Variants in NFE2L3 observed in about 807,000 individuals in gnomAD.
NFE2L3 encodes nuclear factor erythroid 2-related factor 3.
Under a neutral mutation model 23.5 loss-of-function variants are expected in NFE2L3, and 18 were observed. The ratio of observed to expected loss-of-function variants is 0.77; its 90% CI spans 0.53 to 1.13. The LOEUF is 1.13. Among genes scored for constraint, NFE2L3 ranks in the 50% most tolerant of loss-of-function variants. The pLI is 0.00. For missense variants in NFE2L3, 1,152 were observed against 877.2 expected, an observed-to-expected ratio of 1.31 and a Z score of -3.96; for synonymous variants, 424 against 354.5, an observed-to-expected ratio of 1.20 and a Z score of -2.20.
chr7:26,172,131 T>C (rs191568959), intron 1 of NFE2L3, among the ~76,000 whole-genome samples: 22 of 152,366 alleles, frequency 1.4e-4, no homozygotes, highest in African/African-American at 5.3e-4. Flanking sequence ...GAGTTGAAAA[T>C]ATTAAAGTTT....
chr7:26,168,765 A>C (rs1359375684), intron 1 of NFE2L3, among the ~76,000 whole-genome samples: 3 of 152,096 alleles, frequency 2.0e-5, no homozygotes, highest in African/African-American at 7.2e-5. Flanking sequence ...ATCAAATGGT[A>C]GTTCTACTCT....
intron 1 of NFE2L3, among the ~76,000 whole-genome samples, chr7:26,168,466 A>C (rs933786894): frequency 4.3e-5 from 2 of 46,356 alleles, no homozygotes; most frequent in African/African-American, 1.2e-4. Context: ...AATGCCATTA[A>C]TTCGTTCTTT....
Position 26,152,942 on chromosome 7 carries a change from G to T in NFE2L3, c.444G>T (p.Gln148His), listed in dbSNP as rs1784021015. 2.8e-6 allele frequency: 4 copies of T among 1,450,488 alleles called. No individual in the cohort carries two copies. The highest frequency in any genetic ancestry group is 2.7e-6 in the Non-Finnish European group (3 of 1,114,076). The allele number at this position is 1,450,488 out of a possible 1,614,324, so 89.9% of individuals were successfully genotyped here. A position where few individuals can be genotyped will look rare whatever the true frequency, so the allele number is the denominator to read the frequency against. ...GCGCCAGCGTGGACGGCGGCAGCCA[G>T]GCTGTGCAGGGGGGCGGCGGGGACC... is the stretch of plus-strand genomic sequence containing the variant. ...GAGASVDGGS[Q>H]AVQGGGGDPR... The change falls in exon 1 of 4, where the codon CAG becomes CAT. Residue 148 changes from glutamine (Q) to histidine (H), a missense_variant. Physicochemically the swap from Gln to His is conservative, Grantham distance 24. Transcript: ENST00000056233. This position sits in a 1 kb window ranked among gnomAD's most constrained non-coding sequence, Gnocchi z 4.4.
chr7:26,152,438 G>A lies in NFE2L3; in HGVS notation c.-61G>A. On this transcript the variant is annotated 5_prime_UTR_variant, in exon 1 of 4. Transcript: ENST00000056233. The surrounding 1 kb of genome is among the most constrained non-coding windows in gnomAD (Gnocchi z 4.4). Reference sequence around the variant, plus strand: ...GCGCGGGGTCCGCACGTGTCACCCCGGCGGCTGGGGCGCCGGGACCCGCGG... The same window carrying A: ...GCGCGGGGTCCGCACGTGTCACCCCAGCGGCTGGGGCGCCGGGACCCGCGG... The A allele has an allele frequency of 6.9e-6, 8 of 1,160,762 alleles. No homozygotes were observed. The highest frequency in any genetic ancestry group is 8.6e-6 in the Non-Finnish European group (8 of 931,434). 71.9% of individuals were successfully genotyped at this position (1,160,762 alleles called of 1,614,324 possible). A position where few individuals can be genotyped will look rare whatever the true frequency, so the allele number is the denominator to read the frequency against.
intron 1 of NFE2L3, among the ~76,000 whole-genome samples, chr7:26,154,033 G>A (rs912765360): frequency 6.6e-6 from 1 of 152,158 alleles, no homozygotes; most frequent in Non-Finnish European, 1.5e-5. Context: ...ATGGGAATTG[G>A]GGCTAAACTG....
chr7:26,157,402 C>T (rs1357435480), intron 1 of NFE2L3, among the ~76,000 whole-genome samples: 1 of 151,754 alleles, frequency 6.6e-6, no homozygotes, highest in Non-Finnish European at 1.5e-5. Context: ...TGGTCTCAAA[C>T]TCCTGGGCTC....
At chr7:26,153,177 T>A (rs1306393460) in intron 1 of NFE2L3, 109 bp downstream of exon 1, 9 of 1,138,094 alleles carry the variant, frequency 7.9e-6, no homozygotes, top group Non-Finnish European at 7.0e-6. Context: ...CCTGGCACCC[T>A]TAGCCCCTGG....
At chr7:26,184,113 A>G (rs1488694667) in intron 3 of NFE2L3, 1 of 372,008 alleles carries the variant, frequency 2.7e-6, no homozygotes, top group East Asian at 5.5e-5. Flanking sequence ...CAATATTCAC[A>G]ATAGCCTTGT....
At chr7:26,160,194 G>A (rs775274489) in intron 1 of NFE2L3, among the ~76,000 whole-genome samples, 15 of 152,156 alleles carry the variant, frequency 9.9e-5, no homozygotes, top group Non-Finnish European at 1.8e-4. Flanking sequence ...CTGGGCTCAA[G>A]CTATCCTCCT....
intron 3 of NFE2L3, chr7:26,184,235 ATC>A: frequency 2.7e-6 from 1 of 371,960 alleles, no homozygotes; most frequent in East Asian, 5.4e-5. Context: ...GATGAGTTGC[ATC>A]TTATTATAAA....
rs1232165133 is a variant in NFE2L3 at position 26,186,012 on chromosome 7, C to T, written c.*229C>T. 2 of 397,464 alleles carry T rather than the reference C, an allele frequency of 5.0e-6. No individual in the cohort carries two copies. Among genetic ancestry groups the T allele is most frequent in the Non-Finnish European group, 9.0e-6 (2 of 223,200 alleles). 24.6% of individuals were successfully genotyped at this position (397,464 alleles called of 1,614,324 possible). A position where few individuals can be genotyped will look rare whatever the true frequency, so the allele number is the denominator to read the frequency against. ...AACTTTTCATGAAGTGCATTGTATA[C>T]AAAATTCATAGTTATGTCCAAAGAA... On this transcript the variant is annotated 3_prime_UTR_variant, in exon 4 of 4. Transcript: ENST00000056233.
In NFE2L3 at chr7:26,185,582, CAA is replaced by C. The variant is rs1562681476; in HGVS notation, c.1886_1887del (p.Lys629SerfsTer3). On this transcript the variant is annotated frameshift_variant, in exon 4 of 4. Coordinates refer to ENST00000056233, the MANE Select transcript of NFE2L3 (RefSeq NM_004289.7). LOFTEE classifies it high-confidence loss of function. ...TTAAGAGAGAGCAAGCACAATGTAA[CAA>C]AGCTATTAACATAATGAAACAGAAA... ...TLKREQAQCNKAINIMKQKLH... is the reference protein window; with the variant it reads ...TLKREQAQCNXAINIMKQKLH... 1 of 1,613,748 alleles carries C rather than the reference CAA, an allele frequency of 6.2e-7. No homozygotes were observed. Among genetic ancestry groups the C allele is most frequent in the East Asian group, 2.2e-5 (1 of 44,886 alleles).
chr7:26,177,444 A>T (rs1168619046), intron 1 of NFE2L3, among the ~76,000 whole-genome samples: 1 of 152,188 alleles, frequency 6.6e-6, no homozygotes, highest in Non-Finnish European at 1.5e-5. Context: ...CAAAAATACA[A>T]AAACCAGTCA....
chr7:26,152,452 C>G lies in NFE2L3; in HGVS notation c.-47C>G. ...CGTGTCACCCCGGCGGCTGGGGCGCCGGGACCCGCGGGCGCCGGCAGGGGC... is the reference window on the plus strand; with the variant it reads ...CGTGTCACCCCGGCGGCTGGGGCGCGGGGACCCGCGGGCGCCGGCAGGGGC... On this transcript the variant is annotated 5_prime_UTR_variant, in exon 1 of 4. Transcript: ENST00000056233. This position sits in a 1 kb window ranked among gnomAD's most constrained non-coding sequence, Gnocchi z 4.4. 23 of 1,219,494 alleles carry G rather than the reference C, an allele frequency of 1.9e-5. No individual in the cohort carries two copies. Among genetic ancestry groups the G allele is most frequent in the Non-Finnish European group, 2.1e-5 (21 of 977,680 alleles). 75.5% of individuals were successfully genotyped at this position (1,219,494 alleles called of 1,614,324 possible). A position where few individuals can be genotyped will look rare whatever the true frequency, so the allele number is the denominator to read the frequency against.
In NFE2L3 at chr7:26,185,399, T is replaced by C. The variant is rs747517703; in HGVS notation, c.1701T>C (p.Ser567=). 14 of 1,614,044 alleles carry C rather than the reference T, an allele frequency of 8.7e-6. No homozygotes were observed. Among genetic ancestry groups the C allele is most frequent in the African/African-American group, 2.7e-5 (2 of 74,930 alleles). The change falls in exon 4 of 4, where the codon AGT becomes AGC. Residue 567 remains serine, a synonymous_variant. Transcript: ENST00000056233. ...TTGATTCTTTCAATAGCATGTTAAG[T>C]AGATATTATCTGACAGACCTACAAG... ...MPVDSFNSML[S]RYYLTDLQVS...
rs531623857 is a variant in NFE2L3, at chr7:26,187,049, A to C, written c.*1266A>C. On this transcript the variant is annotated 3_prime_UTR_variant, in exon 4 of 4. Transcript: ENST00000056233. ...TAGGAGCTACAGTGTAGAGTATCAC[A>C]TAAGTATCTTGGGCTAGAGAAATGC... 6.6e-6 allele frequency: 1 copy of C among 152,228 alleles called. No homozygotes were observed. Among genetic ancestry groups the C allele is most frequent in the African/African-American group, 2.4e-5 (1 of 41,448 alleles). 9.4% of individuals were successfully genotyped at this position (152,228 alleles called of 1,614,324 possible). A position where few individuals can be genotyped will look rare whatever the true frequency, so the allele number is the denominator to read the frequency against.
At position 26,185,583 on chromosome 7, in the gene NFE2L3, A is replaced by C; in HGVS notation, c.1885A>C (p.Lys629Gln). The C allele has an allele frequency of 6.2e-7, 1 of 1,613,794 alleles. No homozygotes were observed. The highest frequency in any genetic ancestry group is 1.1e-5 in the South Asian group (1 of 91,022). ...TAAGAGAGAGCAAGCACAATGTAAC[A>C]AAGCTATTAACATAATGAAACAGAA... The part of the protein sequence containing the change: ...TLKREQAQCN[K>Q]AINIMKQKLH... Residue 629 changes from lysine to glutamine, a missense_variant, in exon 4 of 4, where the codon AAA (lysine) becomes CAA (glutamine). Lys to Gln is a moderately conservative substitution (Grantham distance 53). Coordinates refer to ENST00000056233, the MANE Select transcript of NFE2L3 (RefSeq NM_004289.7).
chr7:26,159,123 A>G (rs1784133239), intron 1 of NFE2L3, among the ~76,000 whole-genome samples: 1 of 151,996 alleles, frequency 6.6e-6, no homozygotes, highest in African/African-American at 2.4e-5. Flanking sequence ...CTTATTCAGT[A>G]TTTTGTCATT....
At chr7:26,161,046 A>G (rs1041758516) in intron 1 of NFE2L3, among the ~76,000 whole-genome samples, 6 of 152,174 alleles carry the variant, frequency 3.9e-5, no homozygotes, top group Admixed American at 6.5e-5. Context: ...CCTCCAGGAC[A>G]CCCCTTGTCT....
Sources: gnomAD v4.1 joint callset for allele counts (sites outside exome capture counted in the v4.1 genomes callset) on GRCh38, gnomAD v4.1.1 for gene constraint, Gnocchi (gnomAD v3.1) non-coding constraint, MANE v1.5 for transcripts, NCBI Gene and HGNC (gene_info 2026-07-23, HGNC 2026-07-21) for gene names.